The following OPCML variants were observed in gnomAD, a reference collection of about 807,000 sequenced individuals.
The protein encoded by OPCML is opioid-binding protein/cell adhesion molecule.
A neutral mutation model predicts 37.8 loss-of-function variants in OPCML; 13 were observed. That is an observed-to-expected ratio of 0.34 (90% CI 0.22 to 0.55). The LOEUF is 0.55. OPCML is among the 20% of genes least tolerant of loss of function. The probability of loss-of-function intolerance (pLI) is 0.91; values close to 1 mark genes in which losing one functional copy is unlikely to be tolerated. For synonymous variants in OPCML, 176 were observed against 168.8 expected (o/e 1.04, Z -0.33); for missense variants, 341 against 435.6 (o/e 0.78, Z 1.93).
intron 1 of OPCML, chr11:133,423,393 T>C: frequency 1.0e-6 from 1 of 985,394 alleles, no homozygotes; most frequent in Non-Finnish European, 1.2e-6. Flanking sequence ...CAAGCTTCTT[T>C]CCCTAGGTAG....
chr11:132,758,912 A>G (rs2136090914), intron 2 of OPCML, among the ~76,000 whole-genome samples: 1 of 152,294 alleles, frequency 6.6e-6, no homozygotes, highest in South Asian at 2.1e-4. Context: ...TCTTTTGCCC[A>G]TTCAGTATGA....
chr11:133,329,435 A>G (rs879418260), intron 1 of OPCML, among the ~76,000 whole-genome samples: 1 of 152,216 alleles, frequency 6.6e-6, no homozygotes, highest in Non-Finnish European at 1.5e-5. Context: ...TTCAAACTAT[A>G]CTATGAGGCT....
intron 1 of OPCML, among the ~76,000 whole-genome samples, chr11:133,128,853 C>T (rs547893933): frequency 7.2e-5 from 11 of 152,156 alleles, no homozygotes; most frequent in African/African-American, 1.9e-4. Context: ...CATGAGGACC[C>T]CAGGAAGCCC....
chr11:132,589,096 C>A (rs1332758018), intron 3 of OPCML, among the ~76,000 whole-genome samples: 1 of 152,176 alleles, frequency 6.6e-6, no homozygotes, highest in African/African-American at 2.4e-5. Context: ...GTGAACATAA[C>A]CTCCATCAGT....
intron 1 of OPCML, among the ~76,000 whole-genome samples, chr11:133,375,128 C>A (rs7933867): frequency 1.3e-5 from 2 of 152,084 alleles, no homozygotes; most frequent in African/African-American, 4.8e-5. Flanking sequence ...TGCTCCCCAC[C>A]GCATGATCCA....
At chr11:132,969,725 G>A (rs1187679440) in intron 1 of OPCML, among the ~76,000 whole-genome samples, 1 of 151,996 alleles carries the variant, frequency 6.6e-6, no homozygotes, top group Admixed American at 6.6e-5. Flanking sequence ...TTAAACTTAG[G>A]TTATATTTTT....
chr11:132,976,134 T>C (rs746174870), intron 1 of OPCML, among the ~76,000 whole-genome samples: 14 of 152,222 alleles, frequency 9.2e-5, no homozygotes, highest in Non-Finnish European at 1.6e-4. Flanking sequence ...CTGGTCATGA[T>C]AGAGTGGATC....
intron 2 of OPCML, among the ~76,000 whole-genome samples, chr11:132,819,977 C>G (rs911483112): frequency 6.6e-6 from 1 of 152,268 alleles, no homozygotes; most frequent in African/African-American, 2.4e-5. Context: ...TTCTATTCCT[C>G]ATCTCCATCC....
chr11:133,209,539 AG>A (rs1939262037), intron 1 of OPCML, among the ~76,000 whole-genome samples: 1 of 152,228 alleles, frequency 6.6e-6, no homozygotes, highest in African/African-American at 2.4e-5. Context: ...AGGTGCTAAT[AG>A]AATATAAAAC....
In OPCML at chr11:133,490,575, C is replaced by T. The variant is rs139471965; in HGVS notation, c.61+41689G>A. Among the ~76,000 whole-genome samples the T allele has an allele frequency of 2.1e-3, 322 of 152,240 alleles. 3 individuals are homozygous for T. The highest frequency in any genetic ancestry group is 3.4e-3 in the Middle Eastern group (1 of 294). On this transcript the variant is annotated intron_variant, in intron 1 of 7. Transcript: ENST00000524381. ...GGCAAATATGCTTCCAAATAAGCCA[C>T]CTCCTCTCAACATGGAAGCCCGGGT...
intron 1 of OPCML, chr11:133,360,445 T>A (rs1944388226): frequency 6.6e-6 from 1 of 152,244 alleles, no homozygotes; most frequent in Non-Finnish European, 1.5e-5. Flanking sequence ...TCCTCTGGAC[T>A]GAAGCCAGGG....
chr11:132,488,369 G>C (rs1337539270), intron 4 of OPCML, among the ~76,000 whole-genome samples: 1 of 152,184 alleles, frequency 6.6e-6, no homozygotes, highest in Non-Finnish European at 1.5e-5. Context: ...AACCTAGATG[G>C]TACAGCCTAC....
At chr11:132,479,493 C>T (rs2096170479) in intron 4 of OPCML, among the ~76,000 whole-genome samples, 1 of 152,200 alleles carries the variant, frequency 6.6e-6, no homozygotes, top group South Asian at 2.1e-4. Context: ...AACAAAGCAG[C>T]CAGAAAGCTC....
chr11:133,310,694 T>C (rs1943048996), intron 1 of OPCML, among the ~76,000 whole-genome samples: 1 of 152,110 alleles, frequency 6.6e-6, no homozygotes, highest in East Asian at 1.9e-4. Context: ...GGAAGGACTG[T>C]TCCCACCCAG....
chr11:133,406,048 C>T (rs1038780788), intron 1 of OPCML, among the ~76,000 whole-genome samples: 3 of 152,184 alleles, frequency 2.0e-5, no homozygotes, highest in African/African-American at 7.2e-5. Context: ...AGTCGGTCCA[C>T]TGGGTACGGA....
chr11:133,003,316 C>T (rs542659678), intron 1 of OPCML, among the ~76,000 whole-genome samples: 1 of 152,170 alleles, frequency 6.6e-6, no homozygotes, highest in Non-Finnish European at 1.5e-5. Flanking sequence ...CCAGGGAAGC[C>T]TTTCTTTGCC....
At chr11:132,618,769 C>G (rs989134782) in intron 3 of OPCML, among the ~76,000 whole-genome samples, 4 of 152,160 alleles carry the variant, frequency 2.6e-5, no homozygotes, top group African/African-American at 7.2e-5. Context: ...CATCACCACT[C>G]TATGTCTCCA....
chr11:133,193,760 G>T (rs1938419677), intron 1 of OPCML, among the ~76,000 whole-genome samples: 1 of 152,080 alleles, frequency 6.6e-6, no homozygotes, highest in African/African-American at 2.4e-5. Context: ...AAGATTTATG[G>T]TCGGCATATC....
intron 1 of OPCML, chr11:133,298,385 C>T (rs1053750584): frequency 6.6e-6 from 1 of 152,080 alleles, no homozygotes; most frequent in African/African-American, 2.4e-5. Flanking sequence ...ATATTTGGAG[C>T]AAATTCTTCA....
Sources: allele counts gnomAD v4.1 joint callset (sites outside exome capture counted in the v4.1 genomes callset), GRCh38; gene constraint gnomAD v4.1.1; transcripts MANE v1.5; gene names NCBI Gene and HGNC (gene_info 2026-07-23, HGNC 2026-07-21).